KCNN4: variants seen among roughly 807,000 people sequenced by gnomAD.
The protein encoded by KCNN4 is intermediate conductance calcium-activated potassium channel protein 4.
KCNN4 carries 31 observed loss-of-function variants against 45.2 expected under a neutral mutation model. The observed-to-expected ratio is 0.69, with a 90% confidence interval of 0.52 to 0.92. KCNN4 has a LOEUF of 0.92. KCNN4 is among the 40% of genes least tolerant of loss of function. The pLI, the probability that KCNN4 is intolerant of heterozygous loss-of-function variation, is 0.00. For missense variants in KCNN4, 463 were observed against 574.0 expected, an observed-to-expected ratio of 0.81 and a Z score of 1.98; for synonymous variants, 231 against 254.6, an observed-to-expected ratio of 0.91 and a Z score of 0.88.
rs954068767 is a variant in KCNN4, at chr19:43,767,628, G to A, written c.1199C>T (p.Ala400Val). ...RALEKQIDTLAGKLDALTELL... is the reference protein window; with the variant it reads ...RALEKQIDTLVGKLDALTELL... ...CTCAGTCAGGGCATCCAGCTTCCCC[G>A]CCAGCGTGTCAATCTGTTTCTCCAG... Residue 400 changes from alanine (A) to valine (V), a missense_variant, in exon 8 of 9, where the codon GCG becomes GTG. This residue lies in a region of KCNN4 where 129 missense variants were observed against 149.4 expected (regional missense o/e 0.86). Transcript: ENST00000648319. The A allele has an allele frequency of 1.3e-5, 21 of 1,613,994 alleles. No individual in the cohort carries two copies. The highest frequency in any genetic ancestry group is 2.2e-5 in the East Asian group (1 of 44,892).
rs770471575 is a variant in KCNN4 at position 43,774,157 on chromosome 19, T to TC, written c.683+34dup. 11 of 1,576,666 alleles carry TC rather than the reference T, an allele frequency of 7.0e-6. No homozygotes were observed. The highest frequency in any genetic ancestry group is 9.5e-6 in the Non-Finnish European group (11 of 1,158,154). On this transcript the variant is annotated intron_variant, in intron 3 of 8. Coordinates refer to ENST00000648319, the MANE Select transcript of KCNN4 (RefSeq NM_002250.3). This position sits in a 1 kb window ranked among gnomAD's most constrained non-coding sequence, Gnocchi z 5.6. ...GACGGCCGCCGTGGCTGTCCGGGGT[T>TC]CCCCCCTGCGCATTTATGCCTCCAT... is the stretch of plus-strand genomic sequence containing the variant.
Position 43,774,741 on chromosome 19 carries a change from G to C in KCNN4, c.256-122C>G. On this transcript the variant is annotated intron_variant, in intron 2 of 8. Coordinates refer to ENST00000648319, the MANE Select transcript of KCNN4 (RefSeq NM_002250.3). This position sits in a 1 kb window ranked among gnomAD's most constrained non-coding sequence, Gnocchi z 5.6. ...GTGCCGCCTGGCCAGGAGGGAGGGA[G>C]TGCAGGGCGGGAGAGGGATAGGGAG... 2 of 767,834 alleles carry C rather than the reference G, an allele frequency of 2.6e-6. No homozygotes were observed. Among genetic ancestry groups the C allele is most frequent in the East Asian group, 3.0e-5 (1 of 32,790 alleles). 47.6% of individuals were successfully genotyped at this position (767,834 alleles called of 1,614,324 possible).
At chr19:43,776,393 A>ATG (rs1423107330) in intron 2 of KCNN4, 148 bp downstream of exon 2, 1 of 638,302 alleles carries the variant, frequency 1.6e-6, no homozygotes, top group Non-Finnish European at 2.9e-6. Context: ...GGTTCATCCC[A>ATG]TCTGGGTAGG....
rs776108674 is a variant in KCNN4, at chr19:43,774,622, GC to G, written c.256-4del. 6.7e-7 allele frequency: 1 copy of G among 1,493,500 alleles called. No individual in the cohort carries two copies. Among genetic ancestry groups the G allele is most frequent in the South Asian group, 1.3e-5 (1 of 74,342 alleles). The allele number at this position is 1,493,500 out of a possible 1,614,324, so 92.5% of individuals were successfully genotyped here. A position where few individuals can be genotyped will look rare whatever the true frequency, so the allele number is the denominator to read the frequency against. ...AGCCCGTTGTCGGTCATGAACAGCT[GC>G]CGGTAGGGGGCCAAGAAGGGAGGGG... On this transcript the variant is annotated splice_polypyrimidine_tract_variant and splice_region_variant and intron_variant, in intron 2 of 8. Coordinates refer to ENST00000648319, the MANE Select transcript of KCNN4 (RefSeq NM_002250.3). This position sits in a 1 kb window ranked among gnomAD's most constrained non-coding sequence, Gnocchi z 5.6.
chr19:43,770,406 C>T (rs60412032), intron 4 of KCNN4, among the ~76,000 whole-genome samples: 6,296 of 152,194 alleles, frequency 0.041, 411 homozygotes, highest in African/African-American at 0.14. Flanking sequence ...CACCTTCCTC[C>T]GAACACTCAT....
In KCNN4 at chr19:43,774,619, G is replaced by C. The variant is rs1969744682; in HGVS notation, c.256C>G (p.Leu86Val). ...IVAFHAKEVQ[L>V]FMTDNGLRDW... ...CGCAGCCCGTTGTCGGTCATGAACA[G>C]CTGCCGGTAGGGGGCCAAGAAGGGA... Residue 86 changes from leucine (L) to valine (V), a missense_variant and splice_region_variant, in exon 3 of 9, where the codon CTG becomes GTG. By Grantham distance (32) the Leu-to-Val change is conservative. This residue lies in a region of KCNN4 where 225 missense variants were observed against 240.9 expected (regional missense o/e 0.93). Coordinates refer to ENST00000648319, the MANE Select transcript of KCNN4 (RefSeq NM_002250.3). This position sits in a 1 kb window ranked among gnomAD's most constrained non-coding sequence, Gnocchi z 5.6. 6.7e-7 allele frequency: 1 copy of C among 1,495,356 alleles called. No homozygotes were observed. Among genetic ancestry groups the C allele is most frequent in the Non-Finnish European group, 8.8e-7 (1 of 1,131,738 alleles). The allele number at this position is 1,495,356 out of a possible 1,614,324, so 92.6% of individuals were successfully genotyped here.
At chr19:43,776,127 C>CAAAAAAA (rs59704354) in intron 2 of KCNN4, among the ~76,000 whole-genome samples, 1 of 40,966 alleles carries the variant, frequency 2.4e-5, no homozygotes, top group East Asian at 1.0e-3. Flanking sequence ...GACCTTGTCT[C>CAAAAAAA]AAAAAAAAAA....
chr19:43,771,864 T>C, intron 4 of KCNN4, 136 bp downstream of exon 4: 1 of 1,062,380 alleles, frequency 9.4e-7, no homozygotes, highest in Non-Finnish European at 1.3e-6. Context: ...AATGGGGCTC[T>C]GGGGGCCCCA....
At position 43,780,932 on chromosome 19, in the gene KCNN4, G is replaced by A. The variant is rs1365921980; in HGVS notation, c.-71C>T. The stretch of plus-strand genomic sequence containing the variant: ...CCCACCTCGCAGCACGCACAGGGCA[G>A]CCACTGTGGCTTGCAGGTCGTCAGC... On this transcript the variant is annotated 5_prime_UTR_variant, in exon 1 of 9. Transcript: ENST00000648319. 1 of 1,501,844 alleles carries A rather than the reference G, an allele frequency of 6.7e-7. No homozygotes were observed. Among genetic ancestry groups the A allele is most frequent in the African/African-American group, 1.4e-5 (1 of 72,726 alleles). 93.0% of individuals were successfully genotyped at this position (1,501,844 alleles called of 1,614,324 possible).
In KCNN4 at chr19:43,776,963, A is replaced by G. The variant is rs535894427; in HGVS notation, c.160-327T>C. The stretch of plus-strand genomic sequence containing the variant: ...AAAACAAAAAATTAGCTGGGTGTGT[A>G]ATCCCAGCTACTTGGGAGGCTGAGG... On this transcript the variant is annotated intron_variant, in intron 1 of 8. Transcript: ENST00000648319. The G allele has an allele frequency of 2.1e-5, 5 of 235,480 alleles. 1 individual carries two copies. The South Asian group carries it at 3.0e-4, about 14-fold the overall frequency. 14.6% of individuals were successfully genotyped at this position (235,480 alleles called of 1,614,324 possible). A position where few individuals can be genotyped will look rare whatever the true frequency, so the allele number is the denominator to read the frequency against.
chr19:43,779,945 C>T (rs2039694521), intron 1 of KCNN4, among the ~76,000 whole-genome samples: 1 of 152,088 alleles, frequency 6.6e-6, no homozygotes, highest in Non-Finnish European at 1.5e-5. Flanking sequence ...TGGGGGGAGG[C>T]AGGTCGGGGG....
At position 43,769,776 on chromosome 19, in the gene KCNN4, A is replaced by C. The variant is rs201366723; in HGVS notation, c.873T>G (p.Phe291Leu). ...TGTGCACGTGCTTCTCTGCCTTGTT[A>C]AACTCCAGCTTCCGGGCCACCACGG... ...LVAVVARKLE[F>L]NKAEKHVHNF... The change falls in exon 5 of 9, where the codon TTT (phenylalanine) becomes TTG (leucine). Residue 291 changes from phenylalanine to leucine, a missense_variant. Transcript: ENST00000648319. This position sits in a 1 kb window ranked among gnomAD's most constrained non-coding sequence, Gnocchi z 4.4. 53 of 1,613,748 alleles carry C rather than the reference A, an allele frequency of 3.3e-5. No homozygotes were observed. Among genetic ancestry groups the C allele is most frequent in the Non-Finnish European group, 4.2e-5 (49 of 1,179,968 alleles).
At chr19:43,776,430 C>T in intron 2 of KCNN4, 111 bp downstream of exon 2, 1 of 764,548 alleles carries the variant, frequency 1.3e-6, no homozygotes, top group Non-Finnish European at 2.3e-6. Flanking sequence ...GCACCTAGGG[C>T]AGAAGAACTT....
intron 4 of KCNN4, 131 bp downstream of exon 4, chr19:43,771,869 G>T (rs1599674897): frequency 2.6e-6 from 3 of 1,144,958 alleles, no homozygotes; most frequent in Non-Finnish European, 2.4e-6. Context: ...GGCTCTGGGG[G>T]CCCCAGACAC....
Position 43,766,765 on chromosome 19 carries a change from G to C in KCNN4, c.*328C>G, listed in dbSNP as rs974890770. ...CGGGCCCCTAGTACCCTCTTTCCCA[G>C]GGACCCAGGAGTCCTGCCTCCAGTC... On this transcript the variant is annotated 3_prime_UTR_variant, in exon 9 of 9. Transcript: ENST00000648319. The C allele has an allele frequency of 2.6e-5, 4 of 152,652 alleles. No individual in the cohort carries two copies. The highest frequency in any genetic ancestry group is 9.7e-5 in the African/African-American group (4 of 41,422). The allele number at this position is 152,652 out of a possible 1,614,324, so 9.5% of individuals were successfully genotyped here.
At chr19:43,771,290 T>C (rs1013694060) in intron 4 of KCNN4, among the ~76,000 whole-genome samples, 2 of 152,154 alleles carry the variant, frequency 1.3e-5, no homozygotes, top group Non-Finnish European at 2.9e-5. Context: ...TGGCCACCCC[T>C]AGACCTGTTT....
In KCNN4 at chr19:43,769,661, C is replaced by T. The variant is rs1969588219; in HGVS notation, c.930+58G>A. The T allele has an allele frequency of 1.3e-6, 2 of 1,561,452 alleles. No homozygotes were observed. Among genetic ancestry groups the T allele is most frequent in the African/African-American group, 1.4e-5 (1 of 73,752 alleles). ...TTGGGTCCTAGGGGAAGCAGGGGCGCCTGGACTCCTGCTTCTTGGAAGAGG... is the reference window on the plus strand; with the variant it reads ...TTGGGTCCTAGGGGAAGCAGGGGCGTCTGGACTCCTGCTTCTTGGAAGAGG... On this transcript the variant is annotated intron_variant, in intron 5 of 8. Coordinates refer to ENST00000648319, the MANE Select transcript of KCNN4 (RefSeq NM_002250.3). The surrounding 1 kb of genome is among the most constrained non-coding windows in gnomAD (Gnocchi z 4.4).
chr19:43,767,739 G>A (rs924428774), intron 7 of KCNN4, 32 bp from the exon 8 acceptor site: 4 of 1,612,764 alleles, frequency 2.5e-6, no homozygotes, highest in Non-Finnish European at 3.4e-6. Flanking sequence ...GAGGTGTCGG[G>A]GCTGGGGTCG....
In KCNN4 at chr19:43,774,490, G is replaced by T; in HGVS notation, c.385C>A (p.Gln129Lys). 3 of 1,597,816 alleles carry T rather than the reference G, an allele frequency of 1.9e-6. No homozygotes were observed. The South Asian group carries it at 3.3e-5, about 18-fold the overall frequency. ...PAPVRGPPCV[Q>K]DLGAPLTSPQ... Reference sequence around the variant, plus strand: ...GAGGTCAGCGGCGCCCCTAAATCCTGCACGCACGGCGGGCCCCGCACGGGC... The same window carrying T: ...GAGGTCAGCGGCGCCCCTAAATCCTTCACGCACGGCGGGCCCCGCACGGGC... The change falls in exon 3 of 9, where the codon CAG becomes AAG. Residue 129 changes from glutamine (Q) to lysine (K), a missense_variant. Transcript: ENST00000648319. This position sits in a 1 kb window ranked among gnomAD's most constrained non-coding sequence, Gnocchi z 5.6.
Sources: gnomAD v4.1 joint callset for allele counts (sites outside exome capture counted in the v4.1 genomes callset) on GRCh38, gnomAD v4.1.1 for gene constraint, gnomAD v4.1.1 regional missense constraint, Gnocchi (gnomAD v3.1) non-coding constraint, MANE v1.5 for transcripts, NCBI Gene and HGNC (gene_info 2026-07-23, HGNC 2026-07-21) for gene names.